The following SLC13A2 variants were observed in gnomAD, a reference collection of about 807,000 sequenced individuals.
SLC13A2 encodes Na(+)-coupled citrate transporter.
SLC13A2 carries 40 observed loss-of-function variants against 58.5 expected under a neutral mutation model. That is an observed-to-expected ratio of 0.68 (90% CI 0.53 to 0.89). The LOEUF (loss-of-function observed/expected upper bound fraction) is 0.89. Ranked by LOEUF, SLC13A2 falls within the 40% of genes least tolerant of loss-of-function variation. The probability of loss-of-function intolerance (pLI) is 0.00; values close to 1 mark genes in which losing one functional copy is unlikely to be tolerated. For synonymous variants in SLC13A2, 341 were observed against 331.6 expected (o/e 1.03, Z -0.31); for missense variants, 694 against 772.6 (o/e 0.90, Z 1.21).
At chr17:28,476,788 C>T (rs572573840) in intron 1 of SLC13A2, among the ~76,000 whole-genome samples, 10 of 152,240 alleles carry the variant, frequency 6.6e-5, no homozygotes, top group East Asian at 1.9e-4. Flanking sequence ...ACTAGAATGT[C>T]GGCTCCGTGA....
At chr17:28,486,022 T>C (rs930083986) in intron 1 of SLC13A2, among the ~76,000 whole-genome samples, 1 of 151,742 alleles carries the variant, frequency 6.6e-6, no homozygotes, top group African/African-American at 2.4e-5. Context: ...TTAGAAAAAA[T>C]AAGAAATAAA....
At chr17:28,487,073 C>T (rs1294274540) in intron 1 of SLC13A2, among the ~76,000 whole-genome samples, 2 of 152,244 alleles carry the variant, frequency 1.3e-5, no homozygotes, top group Non-Finnish European at 2.9e-5. Context: ...GCTGGGATTA[C>T]AGGCGTGAGC....
intron 1 of SLC13A2, among the ~76,000 whole-genome samples, chr17:28,482,950 C>A (rs2068810638): frequency 6.6e-6 from 1 of 152,204 alleles, no homozygotes; most frequent in Admixed American, 6.5e-5. Context: ...CGCCTTGCTC[C>A]TGAGACCCGG....
chr17:28,493,972 C>A, intron 7 of SLC13A2, 45 bp from the exon 8 acceptor site: 1 of 1,585,510 alleles, frequency 6.3e-7, no homozygotes, highest in Non-Finnish European at 8.7e-7. Flanking sequence ...CCTGAGCAAC[C>A]CCAAGCGGCT....
chr17:28,493,778 C>A lies in SLC13A2; in HGVS notation c.1086C>A (p.Ala362=). 1 of 1,614,158 alleles carries A rather than the reference C, an allele frequency of 6.2e-7. No homozygotes were observed. Among genetic ancestry groups the A allele is most frequent in the Admixed American group, 1.7e-5 (1 of 60,022 alleles). ...LGWGNLAFPN[A]KGESMVSDGT... is the part of the protein sequence containing the mutation. Reference sequence around the variant, plus strand: ...GGGGCAATTTGGCTTTTCCCAATGCCAAGGGGGAGAGGTGAGAGTTGCAGG... The same window carrying A: ...GGGGCAATTTGGCTTTTCCCAATGCAAAGGGGGAGAGGTGAGAGTTGCAGG... Residue 362 remains alanine (A), a synonymous_variant, in exon 7 of 12, where the codon GCC becomes GCA. Transcript: ENST00000314669.
At chr17:28,490,343 C>T in intron 2 of SLC13A2, 111 bp from the exon 3 acceptor site, 1 of 1,612,830 alleles carries the variant, frequency 6.2e-7, no homozygotes, top group Non-Finnish European at 8.5e-7. Flanking sequence ...TTTCGAGAGC[C>T]CAGGGGAATG....
chr17:28,483,691 G>A (rs879996457), intron 1 of SLC13A2, among the ~76,000 whole-genome samples: 17 of 152,080 alleles, frequency 1.1e-4, no homozygotes, highest in Admixed American at 4.6e-4. Flanking sequence ...AGCTCTCTTC[G>A]TCCTTACAGT....
intron 1 of SLC13A2, chr17:28,487,501 C>A: frequency 1.0e-6 from 1 of 982,834 alleles, no homozygotes; most frequent in Non-Finnish European, 1.2e-6. Flanking sequence ...ACGCCTGGCA[C>A]AAAGTCATCC....
At chr17:28,477,997 G>T (rs1292022096) in intron 1 of SLC13A2, among the ~76,000 whole-genome samples, 2 of 152,120 alleles carry the variant, frequency 1.3e-5, no homozygotes, top group African/African-American at 4.8e-5. Context: ...GGCGGAGGTT[G>T]CAGTGAGCTG....
At chr17:28,477,388 G>T (rs1299720425) in intron 1 of SLC13A2, among the ~76,000 whole-genome samples, 1 of 151,588 alleles carries the variant, frequency 6.6e-6, no homozygotes. Context: ...TAGAGACGGG[G>T]TTTCACCGTG....
chr17:28,477,790 C>T (rs1412245004), intron 1 of SLC13A2, among the ~76,000 whole-genome samples: 4 of 149,490 alleles, frequency 2.7e-5, no homozygotes, highest in Admixed American at 2.7e-4. Context: ...GTGGCTCATG[C>T]CTGTAATCCC....
intron 1 of SLC13A2, among the ~76,000 whole-genome samples, chr17:28,483,751 C>T (rs1479513720): frequency 3.3e-5 from 5 of 152,226 alleles, no homozygotes; most frequent in African/African-American, 1.2e-4. Flanking sequence ...GATGAGGAAA[C>T]TGCATAATGG....
At chr17:28,495,060 G>A (rs1475054242) in intron 9 of SLC13A2, among the ~76,000 whole-genome samples, 1 of 152,202 alleles carries the variant, frequency 6.6e-6, no homozygotes, top group African/African-American at 2.4e-5. Flanking sequence ...TCCTGGGTCT[G>A]TGGCATGTTC....
chr17:28,493,872 C>A (rs1555604090), intron 7 of SLC13A2, 83 bp downstream of exon 7: 1 of 1,521,904 alleles, frequency 6.6e-7, no homozygotes, highest in Non-Finnish European at 9.1e-7. Flanking sequence ...GCCCCCATTG[C>A]AGAACAGGAG....
chr17:28,493,077 A>G lies in SLC13A2; in HGVS notation c.879-494A>G, dbSNP rs147644289. On this transcript the variant is annotated intron_variant, in intron 6 of 11. Transcript: ENST00000314669. ...CAGTCCAGCAGGGAGGTTGAGATTT[A>G]CCCAAGTGGAAAGTTAAATGTCAAC... Among the ~76,000 whole-genome samples, 147 of 152,326 alleles carry G rather than the reference A, an allele frequency of 9.7e-4. 1 individual carries two copies. The East Asian group carries it at 9.8e-3, about 10-fold the overall frequency.
rs368220376 is a variant in SLC13A2 at position 28,496,239 on chromosome 17, C to T, written c.1471-211C>T. On this transcript the variant is annotated intron_variant, in intron 10 of 11. Coordinates refer to ENST00000314669, the MANE Select transcript of SLC13A2 (RefSeq NM_003984.4). This position sits in a 1 kb window ranked among gnomAD's most constrained non-coding sequence, Gnocchi z 4.2. Reference sequence around the variant, plus strand: ...GGGCCCCTCCCCTCACCACACCCCACAAGGCAGGGCAGCACACTCATTCCC... The same window carrying T: ...GGGCCCCTCCCCTCACCACACCCCATAAGGCAGGGCAGCACACTCATTCCC... Among the ~76,000 whole-genome samples, 726 of 152,332 alleles carry T rather than the reference C, an allele frequency of 4.8e-3. 7 individuals carry two copies. The highest frequency in any genetic ancestry group is 0.016 in the African/African-American group (683 of 41,570).
At chr17:28,493,893 G>T in intron 7 of SLC13A2, 104 bp downstream of exon 7, 1 of 1,482,368 alleles carries the variant, frequency 6.7e-7, no homozygotes, top group South Asian at 1.2e-5. Flanking sequence ...GTAACACTTG[G>T]TGGGGGATGA....
chr17:28,491,678 G>T (rs2069026928), intron 5 of SLC13A2, 52 bp from the exon 6 acceptor site: 1 of 1,610,232 alleles, frequency 6.2e-7, no homozygotes, highest in Admixed American at 1.7e-5. Flanking sequence ...GGTGAATGGG[G>T]CTGGGCAGTT....
At position 28,485,177 on chromosome 17, in the gene SLC13A2, G is replaced by A. The variant is rs142811579; in HGVS notation, c.103-4037G>A. Among the ~76,000 whole-genome samples, 816 of 152,286 alleles carry A rather than the reference G, an allele frequency of 5.4e-3. 5 individuals are homozygous for A. Among genetic ancestry groups the A allele is most frequent in the African/African-American group, 0.018 (766 of 41,556 alleles). On this transcript the variant is annotated intron_variant, in intron 1 of 11. Transcript: ENST00000314669. ...GCCAGAGGTAGAAAGAAGAGCATTCGCCACCAGGAGAAAACTCTTCCCTGC... is the reference window on the plus strand; with the variant it reads ...GCCAGAGGTAGAAAGAAGAGCATTCACCACCAGGAGAAAACTCTTCCCTGC...
Sources: gnomAD v4.1 joint callset for allele counts (sites outside exome capture counted in the v4.1 genomes callset) on GRCh38, gnomAD v4.1.1 for gene constraint, Gnocchi (gnomAD v3.1) non-coding constraint, MANE v1.5 for transcripts, NCBI Gene and HGNC (gene_info 2026-07-23, HGNC 2026-07-21) for gene names.